The following HNRNPUL1 variants were observed in gnomAD, a reference collection of about 807,000 sequenced individuals.
HNRNPUL1 encodes the protein heterogeneous nuclear ribonucleoprotein U-like protein 1.
A neutral mutation model predicts 108.5 loss-of-function variants in HNRNPUL1; 14 were observed. The observed-to-expected ratio is 0.13, with a 90% CI of 0.09 to 0.20. The LOEUF (loss-of-function observed/expected upper bound fraction) is 0.20. Among genes scored for constraint, HNRNPUL1 ranks in the 10% least tolerant of loss-of-function variants. HNRNPUL1 has a pLI of 1.00. For synonymous variants in HNRNPUL1, 422 were observed against 445.2 expected (o/e 0.95, Z 0.66); for missense variants, 804 against 1,168.3 (o/e 0.69, Z 4.55).
intron 13 of HNRNPUL1, 108 bp downstream of exon 13, chr19:41,304,369 T>C (rs1275056706): frequency 1.9e-5 from 28 of 1,501,854 alleles, no homozygotes; most frequent in Non-Finnish European, 2.4e-5. Flanking sequence ...CCCCAGCTAC[T>C]GGTCTTCACT....
rs2036791822 is a variant in HNRNPUL1, at chr19:41,294,817, G to A, written c.1518+131G>A. 1.9e-6 allele frequency: 2 copies of A among 1,065,610 alleles called. No homozygotes were observed. Among genetic ancestry groups the A allele is most frequent in the Non-Finnish European group, 2.7e-6 (2 of 727,472 alleles). The allele number at this position is 1,065,610 out of a possible 1,614,324, so 66.0% of individuals were successfully genotyped here. A position where few individuals can be genotyped will look rare whatever the true frequency, so the allele number is the denominator to read the frequency against. On this transcript the variant is annotated intron_variant, in intron 10 of 14. Transcript: ENST00000392006. The surrounding 1 kb of genome is among the most constrained non-coding windows in gnomAD (Gnocchi z 4.3). The stretch of plus-strand genomic sequence containing the variant: ...ACTGCTGTGCTAGTCGGGGGGGTCA[G>A]ACCTTGTCATACATGATGACATGGT...
intron 3 of HNRNPUL1, among the ~76,000 whole-genome samples, chr19:41,273,570 G>GGATTTATATA (rs1335254857): frequency 6.6e-6 from 1 of 152,116 alleles, no homozygotes; most frequent in Non-Finnish European, 1.5e-5. Flanking sequence ...GTAATTATTG[G>GGATTTATATA]GATTTATATA....
intron 7 of HNRNPUL1, chr19:41,286,372 A>G (rs1300181128): frequency 6.6e-6 from 1 of 152,178 alleles, no homozygotes; most frequent in Non-Finnish European, 1.5e-5. Context: ...AGGAGGTTGC[A>G]TACATCATGT....
At chr19:41,291,811 TG>T (rs1485047184) in intron 7 of HNRNPUL1, 2 of 171,910 alleles carry the variant, frequency 1.2e-5, no homozygotes, top group African/African-American at 4.8e-5. Flanking sequence ...AACAAGACCC[TG>T]TCTCTACAAA....
rs757748656 is a variant in HNRNPUL1 at position 41,281,238 on chromosome 19, A to C, written c.962A>C (p.Asp321Ala). 1 of 1,614,084 alleles carries C rather than the reference A, an allele frequency of 6.2e-7. No individual in the cohort carries two copies. The highest frequency in any genetic ancestry group is 1.1e-5 in the South Asian group (1 of 91,078). ...AATAGCCGGTTTGAAAACTACGGAG[A>C]CAAGTTTGCAGAGAACGATGTGATT... ...STNSRFENYG[D>A]KFAENDVIGC... The change falls in exon 7 of 15, where the codon GAC (aspartate) becomes GCC (alanine). Residue 321 changes from aspartate (D) to alanine (A), a missense_variant. Transcript: ENST00000392006.
chr19:41,299,872 A>G (rs2037102812), intron 10 of HNRNPUL1, among the ~76,000 whole-genome samples: 1 of 151,928 alleles, frequency 6.6e-6, no homozygotes, highest in Non-Finnish European at 1.5e-5. Context: ...ATAAATATCT[A>G]CCCAGTGATG....
intron 13 of HNRNPUL1, among the ~76,000 whole-genome samples, chr19:41,304,558 T>C (rs2037434219): frequency 6.6e-6 from 1 of 152,252 alleles, no homozygotes; most frequent in Non-Finnish European, 1.5e-5. Context: ...AAGTACATTA[T>C]TCTTGGCTAG....
Position 41,276,139 on chromosome 19 carries a change from G to A in HNRNPUL1, c.647-20G>A, listed in dbSNP as rs751074290. 6.8e-6 allele frequency: 11 copies of A among 1,613,662 alleles called. No individual in the cohort carries two copies. The highest frequency in any genetic ancestry group is 1.6e-4 in the Middle Eastern group (1 of 6,080). ...AACAAAATAAAAACATCAGCCAACT[G>A]TGGGCATTTTCCTTCACAGATAACT... On this transcript the variant is annotated intron_variant, in intron 4 of 14. Coordinates refer to ENST00000392006, the MANE Select transcript of HNRNPUL1 (RefSeq NM_007040.6).
At chr19:41,291,576 G>A (rs1466989391) in intron 7 of HNRNPUL1, among the ~76,000 whole-genome samples, 2 of 152,130 alleles carry the variant, frequency 1.3e-5, no homozygotes, top group Non-Finnish European at 2.9e-5. Context: ...GATTATAGGC[G>A]TGAGCCACTG....
intron 7 of HNRNPUL1, among the ~76,000 whole-genome samples, chr19:41,288,703 C>T (rs2036401320): frequency 6.6e-6 from 1 of 152,160 alleles, no homozygotes; most frequent in Non-Finnish European, 1.5e-5. Flanking sequence ...ACTGTAATGG[C>T]TGTCTAGTAT....
chr19:41,291,988 A>C (rs796440140), intron 7 of HNRNPUL1: 56 of 453,232 alleles, frequency 1.2e-4, no homozygotes, highest in South Asian at 9.8e-4. Flanking sequence ...TCAAAAAAAA[A>C]AAAAACAAAA....
At chr19:41,264,063 C>T (rs1331503996), upstream of HNRNPUL1, among the ~76,000 whole-genome samples, 19 of 152,164 alleles carry the variant, frequency 1.2e-4, no homozygotes, top group Admixed American at 1.2e-3. Flanking sequence ...GAGATCTTAC[C>T]GTTGATTGGA....
Position 41,292,417 on chromosome 19 carries a change from G to A in HNRNPUL1, c.1172G>A (p.Cys391Tyr). The change falls in exon 8 of 15, where the codon TGT becomes TAT. Residue 391 changes from cysteine to tyrosine, a missense_variant. By Grantham distance (194) the Cys-to-Tyr change is radical (BLOSUM62 -2). Around this residue, in one of 4 missense-constraint regions of HNRNPUL1, gnomAD observed 174 missense variants for 296.6 expected, o/e 0.59. Coordinates refer to ENST00000392006, the MANE Select transcript of HNRNPUL1 (RefSeq NM_007040.6). The surrounding 1 kb of genome is among the most constrained non-coding windows in gnomAD (Gnocchi z 4.1). ...FNFGQRAEPY[C>Y]SVLPGFTFIQ... Reference sequence around the variant, plus strand: ...TTCGGACAGAGAGCAGAGCCCTACTGTTCTGTCCTCCCGGGGTTTACCTTC... The same window carrying A: ...TTCGGACAGAGAGCAGAGCCCTACTATTCTGTCCTCCCGGGGTTTACCTTC... 1 of 1,614,232 alleles carries A rather than the reference G, an allele frequency of 6.2e-7. No homozygotes were observed.
At chr19:41,283,936 C>A (rs569953928) in intron 7 of HNRNPUL1, among the ~76,000 whole-genome samples, 1 of 152,328 alleles carries the variant, frequency 6.6e-6, no homozygotes, top group Admixed American at 6.5e-5. Context: ...AATTTTGAAG[C>A]CACCTCCTAT....
intron 5 of HNRNPUL1, among the ~76,000 whole-genome samples, chr19:41,278,828 A>G (rs1370992753): frequency 6.6e-6 from 1 of 152,040 alleles, no homozygotes; most frequent in Non-Finnish European, 1.5e-5. Flanking sequence ...ATGTTACAAG[A>G]GTCTCTTAAA....
intron 7 of HNRNPUL1, among the ~76,000 whole-genome samples, chr19:41,287,586 G>A (rs1395802299): frequency 1.3e-5 from 2 of 152,020 alleles, no homozygotes; most frequent in Non-Finnish European, 2.9e-5. Context: ...TTGAGACAGA[G>A]TTTCGCTCTG....
chr19:41,291,223 A>G, intron 7 of HNRNPUL1, among the ~76,000 whole-genome samples: 1 of 152,284 alleles, frequency 6.6e-6, no homozygotes, highest in East Asian at 1.9e-4. Flanking sequence ...CTTATATACA[A>G]GCAACTGAGA....
Position 41,276,214 on chromosome 19 carries a change from C to T in HNRNPUL1, c.702C>T (p.Leu234=). The change falls in exon 5 of 15, where the codon CTC becomes CTT. Residue 234 remains leucine (L), a synonymous_variant. Transcript: ENST00000392006. The part of the protein sequence containing the change: ...VARDRSSGYP[L]TIEGFAYLWS... ...GAGATCGGAGTAGTGGCTATCCGCT[C>T]ACAATTGAGGGCTTTGCATACCTGT... The T allele has an allele frequency of 6.2e-7, 1 of 1,613,866 alleles. No individual in the cohort carries two copies. The highest frequency in any genetic ancestry group is 8.5e-7 in the Non-Finnish European group (1 of 1,180,000).
intron 6 of HNRNPUL1, among the ~76,000 whole-genome samples, chr19:41,279,641 G>A (rs987782661): frequency 5.9e-5 from 9 of 152,138 alleles, no homozygotes; most frequent in Non-Finnish European, 8.8e-5. Context: ...TGAATTTTGC[G>A]GGTCCCCAGG....
Sources: allele counts gnomAD v4.1 joint callset (sites outside exome capture counted in the v4.1 genomes callset), GRCh38; gene constraint gnomAD v4.1.1; regional missense constraint gnomAD v4.1.1; non-coding constraint Gnocchi (gnomAD v3.1); transcripts MANE v1.5; gene names NCBI Gene and HGNC (gene_info 2026-07-23, HGNC 2026-07-21).